The following ZNF678 variants were observed in gnomAD, a reference collection of about 807,000 sequenced individuals.
ZNF678 encodes hypothetical protein MGC42493.
ZNF678 carries 5 observed loss-of-function variants against 3.0 expected under a neutral mutation model. The observed-to-expected ratio is 1.69, with a 90% confidence interval of 0.88 to 3.56. The LOEUF is 3.56. Ranked by LOEUF, ZNF678 falls within the 30% of genes most tolerant of loss-of-function variation. The probability of loss-of-function intolerance (pLI) is 0.00; values close to 1 mark genes in which losing one functional copy is unlikely to be tolerated. For missense variants in ZNF678, 593 were observed against 605.0 expected, an observed-to-expected ratio of 0.98 and a Z score of 0.21; for synonymous variants, 218 against 199.6, an observed-to-expected ratio of 1.09 and a Z score of -0.78.
At chr1:227,570,921 A>G (rs1046309459) in intron 1 of ZNF678, among the ~76,000 whole-genome samples, 4 of 152,112 alleles carry the variant, frequency 2.6e-5, no homozygotes, top group African/African-American at 9.7e-5. Context: ...GTGCAGACAA[A>G]AGGGCTCATT....
At chr1:227,574,379 G>GGT (rs1558129102) in intron 1 of ZNF678, among the ~76,000 whole-genome samples, 1 of 151,966 alleles carries the variant, frequency 6.6e-6, no homozygotes. Flanking sequence ...GGTGTGAGAT[G>GGT]GTATGTCATT....
chr1:227,674,155 T>A (rs1464601941), intron 5 of ZNF678, among the ~76,000 whole-genome samples: 1 of 152,204 alleles, frequency 6.6e-6, no homozygotes, highest in Non-Finnish European at 1.5e-5. Context: ...GGCAATGACC[T>A]ACAGAATCAT....
intron 1 of ZNF678, among the ~76,000 whole-genome samples, chr1:227,586,163 A>G (rs551071046): frequency 2.6e-5 from 4 of 152,196 alleles, no homozygotes; most frequent in African/African-American, 7.2e-5. Flanking sequence ...ACTGTACTGC[A>G]GACTGGGCAA....
chr1:227,603,645 C>T (rs1434110080), intron 1 of ZNF678, among the ~76,000 whole-genome samples: 1 of 152,224 alleles, frequency 6.6e-6, no homozygotes, highest in African/African-American at 2.4e-5. Context: ...CCCCCTTCTG[C>T]TGCTTCATGC....
chr1:227,631,259 T>C (rs1658541615), intron 1 of ZNF678, among the ~76,000 whole-genome samples: 1 of 152,212 alleles, frequency 6.6e-6, no homozygotes, highest in East Asian at 1.9e-4. Flanking sequence ...TAACCACCCA[T>C]GGACCTCTGC....
intron 1 of ZNF678, among the ~76,000 whole-genome samples, chr1:227,613,231 C>T (rs566473380): frequency 6.6e-6 from 1 of 152,190 alleles, no homozygotes; most frequent in African/African-American, 2.4e-5. Context: ...CACCTTTCAA[C>T]TTTTCTGCAT....
At chr1:227,604,688 C>T (rs1218708668) in intron 1 of ZNF678, among the ~76,000 whole-genome samples, 2 of 152,134 alleles carry the variant, frequency 1.3e-5, no homozygotes. Context: ...TGCACCCGGC[C>T]TCCCTGAAGT....
intron 1 of ZNF678, among the ~76,000 whole-genome samples, chr1:227,586,414 C>T (rs544816646): frequency 3.9e-5 from 6 of 152,052 alleles, no homozygotes; most frequent in African/African-American, 1.4e-4. Flanking sequence ...AACAATGTTC[C>T]ACCAAATAGA....
chr1:227,577,228 G>A lies in ZNF678; in HGVS notation c.-164+13504G>A, dbSNP rs1172332212. Reference sequence around the variant, plus strand: ...AATATGTATTTTGTTGGTTTTGGGTGTACAGTTCTGTGGATATCTATCAGG... The same window carrying A: ...AATATGTATTTTGTTGGTTTTGGGTATACAGTTCTGTGGATATCTATCAGG... On this transcript the variant is annotated intron_variant, in intron 1 of 3. Coordinates refer to ENST00000343776, the MANE Select transcript of ZNF678 (RefSeq NM_001367909.1). Among the ~76,000 whole-genome samples, 5 of 152,302 alleles carry A rather than the reference G, an allele frequency of 3.3e-5. No individual in the cohort carries two copies. The East Asian group carries it at 5.8e-4, about 18-fold the overall frequency.
At chr1:227,565,275 AG>A (rs1423015890) in intron 1 of ZNF678, among the ~76,000 whole-genome samples, 1 of 151,424 alleles carries the variant, frequency 6.6e-6, no homozygotes, top group Non-Finnish European at 1.5e-5. Flanking sequence ...CATGTTGGCC[AG>A]GATTGTCTTG....
intron 1 of ZNF678, among the ~76,000 whole-genome samples, chr1:227,575,668 A>G (rs1435155728): frequency 6.6e-6 from 1 of 152,160 alleles, no homozygotes; most frequent in Non-Finnish European, 1.5e-5. Flanking sequence ...TTTGTTAAGT[A>G]TAAGATCATG....
intron 2 of ZNF678, among the ~76,000 whole-genome samples, chr1:227,649,642 G>C (rs905419274): frequency 6.6e-6 from 1 of 152,110 alleles, no homozygotes; most frequent in African/African-American, 2.4e-5. Flanking sequence ...GAGCCACTGC[G>C]CTTAGCCGGT....
intron 1 of ZNF678, among the ~76,000 whole-genome samples, chr1:227,573,150 A>G (rs913190449): frequency 6.6e-6 from 1 of 152,266 alleles, no homozygotes; most frequent in African/African-American, 2.4e-5. Flanking sequence ...CAACTCACAC[A>G]CATGGTTATT....
rs1657074519 is a variant in ZNF678 at position 227,579,622 on chromosome 1, T to C, written c.-164+15898T>C. Among the ~76,000 whole-genome samples, 7 of 151,966 alleles carry C rather than the reference T, an allele frequency of 4.6e-5. 1 individual carries two copies. In the South Asian group the frequency reaches 1.5e-3, roughly 32 times the overall value. ...AGGGAACAGACAGGCTTGTGCATGG[T>C]CATAGGGGTCATCTCGCTGGAGGTC... On this transcript the variant is annotated intron_variant, in intron 1 of 3. Coordinates refer to ENST00000343776, the MANE Select transcript of ZNF678 (RefSeq NM_001367909.1).
In ZNF678 at chr1:227,655,286, G is replaced by A. The variant is rs1281170721; in HGVS notation, c.1036G>A (p.Glu346Lys). Residue 346 changes from glutamate (E) to lysine (K), a missense_variant, in exon 4 of 4, where the codon GAG (glutamate) becomes AAG (lysine). By Grantham distance (56) the Glu-to-Lys change is moderately conservative. Transcript: ENST00000343776. ...TAGCCATAAGAGAATTCATACTGGA[G>A]AGAAACCCTACAAATGTGAAGAATG... ...LSSHKRIHTG[E>K]KPYKCEECGR... 5.6e-6 allele frequency: 9 copies of A among 1,611,276 alleles called. No homozygotes were observed. The highest frequency in any genetic ancestry group is 7.6e-6 in the Non-Finnish European group (9 of 1,178,274).
chr1:227,586,827 A>G (rs1418872011), intron 1 of ZNF678, among the ~76,000 whole-genome samples: 3 of 152,254 alleles, frequency 2.0e-5, no homozygotes, highest in Admixed American at 6.5e-5. Flanking sequence ...CTAATAGGCA[A>G]TTTTTCCCTC....
chr1:227,629,944 CT>C (rs879455911), intron 1 of ZNF678, among the ~76,000 whole-genome samples: 313 of 145,130 alleles, frequency 2.2e-3, no homozygotes, highest in Middle Eastern at 7.0e-3. Flanking sequence ...AAGTGATGGC[CT>C]TTTTTTTTTT....
At chr1:227,642,850 T>A (rs969550153) in intron 1 of ZNF678, among the ~76,000 whole-genome samples, 7 of 152,156 alleles carry the variant, frequency 4.6e-5, no homozygotes, top group Non-Finnish European at 1.0e-4. Context: ...GGGAGTTTCT[T>A]CAGTTTCCTG....
At chr1:227,585,189 AT>A (rs990428223) in intron 1 of ZNF678, among the ~76,000 whole-genome samples, 23 of 152,346 alleles carry the variant, frequency 1.5e-4, no homozygotes, top group African/African-American at 5.5e-4. Flanking sequence ...TGGCCAGTTA[AT>A]CGTTTTCTGT....
Sources: gnomAD v4.1 joint callset for allele counts (sites outside exome capture counted in the v4.1 genomes callset) on GRCh38, gnomAD v4.1.1 for gene constraint, MANE v1.5 for transcripts, NCBI Gene and HGNC (gene_info 2026-07-23, HGNC 2026-07-21) for gene names.